Variants in MICAL2 observed in about 807,000 individuals in gnomAD.
The protein encoded by MICAL2 is microtubule associated monooxygenase, calponin and LIM domain containing 2.
A neutral mutation model predicts 127.3 loss-of-function variants in MICAL2; 77 were observed. The observed-to-expected ratio is 0.60, with a 90% CI of 0.50 to 0.73. The LOEUF (loss-of-function observed/expected upper bound fraction) is 0.73, where lower values mean the gene tolerates loss of function less well. MICAL2 is among the 30% of genes least tolerant of loss of function. The probability of loss-of-function intolerance (pLI) is 0.00; values close to 1 mark genes in which losing one functional copy is unlikely to be tolerated. For missense variants in MICAL2, 1,351 were observed against 1,434.4 expected (o/e 0.94, Z 0.94); for synonymous variants, 570 against 551.1 (o/e 1.03, Z -0.48).
chr11:12,343,463 A>G (rs2134885959), intron 32 of MICAL2, among the ~76,000 whole-genome samples: 1 of 151,606 alleles, frequency 6.6e-6, no homozygotes. Context: ...CACTGAAAAA[A>G]TAATTAAATT....
chr11:12,312,958 A>G (rs1864190681), intron 29 of MICAL2, among the ~76,000 whole-genome samples: 1 of 152,092 alleles, frequency 6.6e-6, no homozygotes, highest in African/African-American at 2.4e-5. Flanking sequence ...CAAGGTCAGG[A>G]GATCGAGACC....
chr11:12,327,374 G>T, intron 32 of MICAL2: 1 of 877,874 alleles, frequency 1.1e-6, no homozygotes, highest in Non-Finnish European at 1.7e-6. Context: ...CTGTCAGCAT[G>T]GACATATGGT....
At chr11:12,129,474 C>A (rs1018458969) in intron 1 of MICAL2, among the ~76,000 whole-genome samples, 3 of 152,160 alleles carry the variant, frequency 2.0e-5, no homozygotes, top group Admixed American at 1.3e-4. Context: ...CACGCACCCC[C>A]CTTCCTATCC....
At chr11:12,338,521 C>T (rs1357767502) in intron 32 of MICAL2, among the ~76,000 whole-genome samples, 2 of 152,102 alleles carry the variant, frequency 1.3e-5, no homozygotes, top group African/African-American at 2.4e-5. Context: ...TTATTTTGCT[C>T]GTTAGTTGAT....
At chr11:12,358,717 T>G, downstream of MICAL2, 1 of 320,492 alleles carries the variant, frequency 3.1e-6, no homozygotes, top group South Asian at 9.4e-5. Context: ...TCAGCCAGGC[T>G]CTCAGACTGG....
chr11:12,148,728 T>G (rs1590075764), intron 2 of MICAL2, among the ~76,000 whole-genome samples: 1 of 151,982 alleles, frequency 6.6e-6, no homozygotes, highest in African/African-American at 2.4e-5. Context: ...CACAGTCAGG[T>G]GAGGTAGGAG....
At chr11:12,326,061 C>T (rs1044341123) in intron 31 of MICAL2, among the ~76,000 whole-genome samples, 3 of 152,180 alleles carry the variant, frequency 2.0e-5, no homozygotes, top group African/African-American at 4.8e-5. Flanking sequence ...AAGAAGAGCC[C>T]GGTGGCTGTG....
chr11:12,348,153 C>CAGAAAA (rs1938986626), intron 32 of MICAL2, among the ~76,000 whole-genome samples: 1 of 79,144 alleles, frequency 1.3e-5, no homozygotes, highest in African/African-American at 4.9e-5. Flanking sequence ...GACTCTGTCT[C>CAGAAAA]AAAAAAAAAA....
At chr11:12,338,148 T>G (rs1223893204) in intron 32 of MICAL2, among the ~76,000 whole-genome samples, 1 of 152,220 alleles carries the variant, frequency 6.6e-6, no homozygotes, top group Non-Finnish European at 1.5e-5. Flanking sequence ...CTGTATTGGG[T>G]GCATATATAT....
intron 1 of MICAL2, among the ~76,000 whole-genome samples, chr11:12,134,027 T>G (rs1176926923): frequency 6.6e-6 from 1 of 152,016 alleles, no homozygotes; most frequent in Non-Finnish European, 1.5e-5. Flanking sequence ...GTGCATGGGG[T>G]GGAACAGGCA....
downstream of MICAL2, among the ~76,000 whole-genome samples, chr11:12,290,101 G>C (rs1863877732): frequency 6.6e-6 from 1 of 152,136 alleles, no homozygotes; most frequent in South Asian, 2.1e-4. Flanking sequence ...CTCTCCCCAG[G>C]CTGTGCCCAC....
downstream of MICAL2, among the ~76,000 whole-genome samples, chr11:12,288,314 G>A (rs150949359): frequency 9.8e-4 from 150 of 152,302 alleles, no homozygotes; most frequent in African/African-American, 3.3e-3. Context: ...GCCCAGGCCC[G>A]GACTATATGA....
chr11:12,234,432 G>T (rs1858743325), intron 15 of MICAL2, among the ~76,000 whole-genome samples: 1 of 152,174 alleles, frequency 6.6e-6, no homozygotes, highest in Non-Finnish European at 1.5e-5. Flanking sequence ...GGAGCTGGGG[G>T]TCCAGACAGC....
chr11:12,129,717 T>C (rs1249205460), intron 1 of MICAL2, among the ~76,000 whole-genome samples: 3 of 151,058 alleles, frequency 2.0e-5, no homozygotes, highest in Non-Finnish European at 4.4e-5. Flanking sequence ...ATGATTCATT[T>C]ATTTATATGA....
At chr11:12,137,692 T>C (rs566096041) in intron 1 of MICAL2, among the ~76,000 whole-genome samples, 37 of 152,316 alleles carry the variant, frequency 2.4e-4, no homozygotes, top group Non-Finnish European at 4.6e-4. Context: ...CTCTTATAGA[T>C]GTCAAATTTC....
At chr11:12,236,104 C>A in intron 15 of MICAL2, 73 bp from the exon 16 acceptor site, 1 of 1,314,954 alleles carries the variant, frequency 7.6e-7, no homozygotes, top group Non-Finnish European at 1.1e-6. Flanking sequence ...CAGCCCTATG[C>A]CCTCAGGGAT....
At position 12,244,116 on chromosome 11, in the gene MICAL2, G is replaced by A. The variant is rs766658812; in HGVS notation, c.2784+4G>A. ...CTCTGCTTCTCCTGCCAGAAAGGTAGTTGTCCTGAACAATTTGCTTTCCCT... is the reference window on the plus strand; with the variant it reads ...CTCTGCTTCTCCTGCCAGAAAGGTAATTGTCCTGAACAATTTGCTTTCCCT... On this transcript the variant is annotated splice_donor_region_variant and intron_variant, in intron 21 of 27. Coordinates refer to ENST00000683283, the MANE Select transcript of MICAL2 (RefSeq NM_001282663.2). 3.7e-6 allele frequency: 6 copies of A among 1,614,098 alleles called. No individual in the cohort carries two copies. In the African/African-American group the frequency reaches 6.7e-5, roughly 18 times the overall value.
chr11:12,231,836 G>A (rs554630867), intron 15 of MICAL2, among the ~76,000 whole-genome samples: 49 of 152,192 alleles, frequency 3.2e-4, no homozygotes, highest in Non-Finnish European at 4.3e-4. Flanking sequence ...CTCCAGGTGC[G>A]CGCAGGTCAT....
At chr11:12,213,149 T>C in intron 6 of MICAL2, 106 bp from the exon 7 acceptor site, 1 of 1,307,142 alleles carries the variant, frequency 7.7e-7, no homozygotes, top group Non-Finnish European at 1.0e-6. Context: ...AGAATCCTGG[T>C]TTCACTGGCC....
Sources: gnomAD v4.1 joint callset for allele counts (sites outside exome capture counted in the v4.1 genomes callset) on GRCh38, gnomAD v4.1.1 for gene constraint, MANE v1.5 for transcripts, NCBI Gene and HGNC (gene_info 2026-07-23, HGNC 2026-07-21) for gene names.